Variants in CCDC172 observed in about 807,000 individuals in gnomAD.
CCDC172 encodes the protein coiled-coil domain containing 172.
CCDC172 carries 30 observed loss-of-function variants against 38.0 expected under a neutral mutation model. The observed-to-expected ratio is 0.79, with a 90% CI of 0.59 to 1.07. The LOEUF (loss-of-function observed/expected upper bound fraction) is 1.07. CCDC172 is among the 50% of genes least tolerant of loss of function. The probability of loss-of-function intolerance (pLI) is 0.00; values close to 1 mark genes in which losing one functional copy is unlikely to be tolerated. For missense variants in CCDC172, 297 were observed against 290.1 expected (o/e 1.02, Z -0.17); for synonymous variants, 78 against 88.3 (o/e 0.88, Z 0.66).
At chr10:116,348,935 A>G (rs969762664) in intron 5 of CCDC172, among the ~76,000 whole-genome samples, 8 of 152,192 alleles carry the variant, frequency 5.3e-5, no homozygotes, top group Non-Finnish European at 7.3e-5. Context: ...AGTAAGCCAC[A>G]TAGCAGGAGG....
chr10:116,334,064 G>A, intron 3 of CCDC172, among the ~76,000 whole-genome samples: 1 of 152,194 alleles, frequency 6.6e-6, no homozygotes, highest in East Asian at 1.9e-4. Flanking sequence ...TTCAAATGTA[G>A]TCTAATTTCT....
At chr10:116,378,600 A>C in intron 8 of CCDC172, 90 bp downstream of exon 8, 1 of 933,154 alleles carries the variant, frequency 1.1e-6, no homozygotes, top group Non-Finnish European at 1.7e-6. Context: ...TCACTGAACT[A>C]GTGTTTAATC....
chr10:116,363,119 C>CT (rs1363566791), intron 7 of CCDC172, among the ~76,000 whole-genome samples: 10 of 152,050 alleles, frequency 6.6e-5, no homozygotes, highest in African/African-American at 2.4e-4. Context: ...ATACAGATTT[C>CT]TTTTTTCATT....
In CCDC172 at chr10:116,368,680, G is replaced by T. The variant is rs1486404054; in HGVS notation, c.654-9743G>T. 2.0e-5 allele frequency among the ~76,000 whole-genome samples: 3 copies of T among 151,816 alleles called. No homozygotes were observed. The East Asian group carries it at 5.8e-4, about 29-fold the overall frequency. ...TGGAACCAATTATTTTTTTCAAGAA[G>T]CCCTATTATCTTTGAGTTGGGAATA... On this transcript the variant is annotated intron_variant, in intron 7 of 8. Transcript: ENST00000333254.
intron 3 of CCDC172, 67 bp from the exon 4 acceptor site, chr10:116,340,667 T>C: frequency 1.3e-6 from 1 of 749,724 alleles, no homozygotes; most frequent in East Asian, 2.5e-5. Flanking sequence ...ATCTTCTCTG[T>C]TACCTAAGGT....
chr10:116,374,325 T>C (rs1355355933), intron 7 of CCDC172, among the ~76,000 whole-genome samples: 2 of 152,126 alleles, frequency 1.3e-5, no homozygotes, highest in Non-Finnish European at 2.9e-5. Context: ...AAAAAAATTG[T>C]GTGCTGAGGT....
chr10:116,325,114 A>G (rs1002044142), intron 2 of CCDC172, 24 bp downstream of exon 2: 4 of 1,610,468 alleles, frequency 2.5e-6, no homozygotes, highest in Middle Eastern at 1.6e-4. Context: ...TGTCCTTTGC[A>G]TGGGGCCTTT....
At chr10:116,347,759 A>G (rs1844884618) in intron 5 of CCDC172, among the ~76,000 whole-genome samples, 1 of 152,192 alleles carries the variant, frequency 6.6e-6, no homozygotes, top group Non-Finnish European at 1.5e-5. Context: ...ATATTGGAAA[A>G]CAAAGACAAA....
At chr10:116,371,150 C>G (rs962473054) in intron 7 of CCDC172, among the ~76,000 whole-genome samples, 16 of 151,822 alleles carry the variant, frequency 1.1e-4, no homozygotes, top group African/African-American at 3.9e-4. Flanking sequence ...AGTGTTTCCC[C>G]AGCAATAATA....
At chr10:116,334,192 G>T (rs552814889) in intron 3 of CCDC172, among the ~76,000 whole-genome samples, 1 of 152,146 alleles carries the variant, frequency 6.6e-6, no homozygotes, top group Admixed American at 6.6e-5. Flanking sequence ...CTGAGCTCCC[G>T]CTCCTCCCCG....
In CCDC172 at chr10:116,357,488, C is replaced by A. The variant is rs368285625; in HGVS notation, c.550+7C>A. On this transcript the variant is annotated splice_region_variant and intron_variant, in intron 6 of 8. Coordinates refer to ENST00000333254, the MANE Select transcript of CCDC172 (RefSeq NM_198515.3). ...CTCCAAAGAAAACTTAAAGGTATTA[C>A]CTTCATGAGTTAGCTTATTTTGCTG... The A allele has an allele frequency of 8.5e-6, 13 of 1,525,700 alleles. 1 individual carries two copies. In the African/African-American group the frequency reaches 1.3e-4, roughly 15 times the overall value. The allele number at this position is 1,525,700 out of a possible 1,614,324, so 94.5% of individuals were successfully genotyped here.
At chr10:116,363,195 G>A (rs1845084599) in intron 7 of CCDC172, among the ~76,000 whole-genome samples, 2 of 152,180 alleles carry the variant, frequency 1.3e-5, no homozygotes, top group Admixed American at 6.5e-5. Context: ...CAGAAAATAT[G>A]TGGTAAAAGG....
At chr10:116,343,015 T>C in intron 5 of CCDC172, among the ~76,000 whole-genome samples, 1 of 152,132 alleles carries the variant, frequency 6.6e-6, no homozygotes, top group Non-Finnish European at 1.5e-5. Context: ...TTCTTTATAG[T>C]AGTGCAAGAA....
At chr10:116,367,898 T>C (rs1166968041) in intron 7 of CCDC172, among the ~76,000 whole-genome samples, 2 of 152,150 alleles carry the variant, frequency 1.3e-5, no homozygotes, top group African/African-American at 4.8e-5. Flanking sequence ...TGTTTTCTTC[T>C]AAGCTCTTTT....
rs540440276 is a variant in CCDC172, at chr10:116,341,615, CTTGT to C, written c.283-406_283-403del. Among the ~76,000 whole-genome samples the C allele has an allele frequency of 3.2e-3, 493 of 151,812 alleles. 1 individual carries two copies. Among genetic ancestry groups the C allele is most frequent in the African/African-American group, 0.011 (469 of 41,474 alleles). ...ATTTTAAAAGGTTTTCTTGGCTATC[CTTGT>C]TTGTTTGTTTGTTTTCCTGTAAGGC... On this transcript the variant is annotated intron_variant, in intron 4 of 8. Transcript: ENST00000333254.
At position 116,325,181 on chromosome 10, in the gene CCDC172, G is replaced by A. The variant is rs577060985; in HGVS notation, c.79+91G>A. On this transcript the variant is annotated intron_variant, in intron 2 of 8. Coordinates refer to ENST00000333254, the MANE Select transcript of CCDC172 (RefSeq NM_198515.3). ...GGAAATCCCGAAGGCAGTGGTCAGA[G>A]CCGTTAGGGGAGCTTGCATGCCATG... 29 of 1,494,876 alleles carry A rather than the reference G, an allele frequency of 1.9e-5. No individual in the cohort carries two copies. The African/African-American group carries it at 3.6e-4, about 18-fold the overall frequency. The allele number at this position is 1,494,876 out of a possible 1,614,324, so 92.6% of individuals were successfully genotyped here.
chr10:116,373,417 A>G (rs7088824), intron 7 of CCDC172, among the ~76,000 whole-genome samples: 151,796 of 152,352 alleles, frequency 1, 75,625 homozygotes, highest in South Asian at 1. Context: ...AAACAAAAAT[A>G]TATGATGATG....
chr10:116,330,231 G>T (rs1421398571), intron 3 of CCDC172, among the ~76,000 whole-genome samples: 4 of 152,148 alleles, frequency 2.6e-5, no homozygotes, highest in Non-Finnish European at 4.4e-5. Flanking sequence ...AATTTTGGAG[G>T]ATTCCTATCT....
intron 7 of CCDC172, among the ~76,000 whole-genome samples, chr10:116,374,504 A>ATG (rs397968094): frequency 6.6e-6 from 1 of 151,872 alleles, no homozygotes; most frequent in Non-Finnish European, 1.5e-5. Flanking sequence ...ATATATATAT[A>ATG]GGAAAAATCA....
Sources: allele counts gnomAD v4.1 joint callset (sites outside exome capture counted in the v4.1 genomes callset), GRCh38; gene constraint gnomAD v4.1.1; transcripts MANE v1.5; gene names NCBI Gene and HGNC (gene_info 2026-07-23, HGNC 2026-07-21).